The following RANGAP1 variants were observed in gnomAD, a reference collection of about 807,000 sequenced individuals.
The protein encoded by RANGAP1 is ran GTPase-activating protein 1.
A neutral mutation model predicts 63.5 loss-of-function variants in RANGAP1; 38 were observed. The observed-to-expected ratio is 0.60, with a 90% CI of 0.46 to 0.78. RANGAP1 has a LOEUF of 0.78. RANGAP1 is among the 30% of genes least tolerant of loss of function. RANGAP1 has a pLI of 0.00. For missense variants in RANGAP1, 630 were observed against 740.3 expected, an observed-to-expected ratio of 0.85 and a Z score of 1.73; for synonymous variants, 329 against 310.5, an observed-to-expected ratio of 1.06 and a Z score of -0.63.
At chr22:41,300,363 T>C in the RANGAP1 span, among the ~76,000 whole-genome samples, 1 of 146,902 alleles carries the variant, frequency 6.8e-6, no homozygotes, top group Non-Finnish European at 1.5e-5. Context: ...ATAATAACCA[T>C]GGTGGTAAAT....
chr22:41,301,267 G>T, the RANGAP1 span, among the ~76,000 whole-genome samples: 4 of 152,212 alleles, frequency 2.6e-5, no homozygotes, highest in South Asian at 8.3e-4. Flanking sequence ...GATGGGGAAG[G>T]GCGGAGGCGC....
At chr22:41,285,300 G>A (rs1402387002) in intron 1 of RANGAP1, 1 of 169,270 alleles carries the variant, frequency 5.9e-6, no homozygotes, top group Non-Finnish European at 1.2e-5. Context: ...CTTCTCAGCT[G>A]AACGGGGGCC....
At chr22:41,255,873 G>A (rs890035869) in intron 10 of RANGAP1, 148 bp downstream of exon 10, 30 of 769,556 alleles carry the variant, frequency 3.9e-5, no homozygotes, top group African/African-American at 1.6e-4. Flanking sequence ...GGAATCACTT[G>A]AACCCAGGAG....
intron 10 of RANGAP1, 118 bp downstream of exon 10, chr22:41,255,903 G>A (rs537445477): frequency 2.9e-6 from 3 of 1,031,678 alleles, no homozygotes; most frequent in East Asian, 2.6e-5. Flanking sequence ...GCAGTGAGCC[G>A]AGATCACGCC....
chr22:41,251,151 G>T, intron 12 of RANGAP1, 42 bp from the exon 13 acceptor site: 1 of 1,536,210 alleles, frequency 6.5e-7, no homozygotes, highest in Non-Finnish European at 9.0e-7. Context: ...GGCACGTGGT[G>T]GAGAGGTACC....
chr22:41,255,998 TG>T, intron 10 of RANGAP1, 22 bp downstream of exon 10: 3 of 1,608,558 alleles, frequency 1.9e-6, no homozygotes, highest in Admixed American at 1.7e-5. Flanking sequence ...CCCCGACCTC[TG>T]GGGCCACCCC....
chr22:41,254,694 C>A (rs909512118), intron 10 of RANGAP1, 200 bp from the exon 11 acceptor site: 115 of 970,748 alleles, frequency 1.2e-4, no homozygotes, highest in Non-Finnish European at 1.4e-4. Context: ...TAAGATCGGC[C>A]CGGCGCGGTG....
upstream of RANGAP1, among the ~76,000 whole-genome samples, chr22:41,286,611 A>G (rs2035759206): frequency 6.6e-6 from 1 of 152,258 alleles, no homozygotes; most frequent in African/African-American, 2.4e-5. Context: ...ATTTCCCGAA[A>G]GAAAAGACTC....
chr22:41,256,889 C>G, intron 7 of RANGAP1, 65 bp from the exon 8 acceptor site: 1 of 1,366,278 alleles, frequency 7.3e-7, no homozygotes, highest in Non-Finnish European at 1.0e-6. Context: ...CAGCAAGCCC[C>G]GGGGGCCCCA....
intron 12 of RANGAP1, among the ~76,000 whole-genome samples, chr22:41,252,250 C>T (rs191777419): frequency 7.2e-5 from 11 of 152,016 alleles, no homozygotes; most frequent in Admixed American, 3.3e-4. Context: ...TGCAGTGAGC[C>T]GAGATCGTGC....
At chr22:41,254,517 C>G (rs1363104340) in intron 10 of RANGAP1, 23 bp from the exon 11 acceptor site, 1 of 1,563,766 alleles carries the variant, frequency 6.4e-7, no homozygotes, top group African/African-American at 1.3e-5. Context: ...CTGGCTGAAG[C>G]AGATCCTCTC....
chr22:41,271,400 A>AC (rs1361128371), intron 3 of RANGAP1, among the ~76,000 whole-genome samples: 5 of 150,648 alleles, frequency 3.3e-5, no homozygotes, highest in Middle Eastern at 3.4e-3. Context: ...AAAAAACAAA[A>AC]AAAAAAAACA....
chr22:41,261,374 T>C, intron 6 of RANGAP1, 72 bp downstream of exon 6: 1 of 1,596,856 alleles, frequency 6.3e-7, no homozygotes, highest in Non-Finnish European at 8.5e-7. Flanking sequence ...GGGATTAGCA[T>C]CCAGAACTGT....
At chr22:41,264,900 G>T in intron 4 of RANGAP1, 57 bp from the exon 5 acceptor site, 1 of 1,535,278 alleles carries the variant, frequency 6.5e-7, no homozygotes, top group African/African-American at 1.4e-5. Flanking sequence ...TGTGCTGGGT[G>T]CTGCTTCTGT....
At chr22:41,252,810 T>C in intron 12 of RANGAP1, 62 bp downstream of exon 12, 1 of 1,460,510 alleles carries the variant, frequency 6.8e-7, no homozygotes, top group South Asian at 1.4e-5. Context: ...GTTCGTCCCT[T>C]TTCTCTAACA....
intron 2 of RANGAP1, chr22:41,280,615 G>A (rs1299850306): frequency 1.2e-5 from 15 of 1,237,470 alleles, no homozygotes; most frequent in South Asian, 6.3e-5. Flanking sequence ...GGACAACACC[G>A]GATATTAAGT....
At chr22:41,278,918 C>G (rs990056590) in intron 2 of RANGAP1, among the ~76,000 whole-genome samples, 8 of 151,836 alleles carry the variant, frequency 5.3e-5, no homozygotes, top group Non-Finnish European at 1.0e-4. Context: ...GTGAGAGGAT[C>G]ATGAGGTCAG....
the RANGAP1 span, among the ~76,000 whole-genome samples, chr22:41,291,767 G>A: frequency 6.6e-6 from 1 of 151,224 alleles, no homozygotes; most frequent in East Asian, 2.0e-4. Flanking sequence ...CGGGCGTGAT[G>A]GCGGGCATCT....
intron 1 of RANGAP1, 80 bp from the exon 2 acceptor site, chr22:41,281,162 T>A (rs1182500939): frequency 1.5e-6 from 2 of 1,375,010 alleles, no homozygotes; most frequent in African/African-American, 2.9e-5. Context: ...ATCAGCCATC[T>A]CAGGAGTCTG....
Sources: gnomAD v4.1 joint callset for allele counts (sites outside exome capture counted in the v4.1 genomes callset) on GRCh38, gnomAD v4.1.1 for gene constraint, MANE v1.5 for transcripts, NCBI Gene and HGNC (gene_info 2026-07-23, HGNC 2026-07-21) for gene names.